GMDS: variants seen among roughly 807,000 people sequenced by gnomAD.
The protein encoded by GMDS is GDP-mannose 4,6 dehydratase.
In GMDS, 20 loss-of-function variants were observed where a neutral mutation model predicts 49.9. The ratio of observed to expected loss-of-function variants is 0.40; its 90% CI spans 0.28 to 0.58. GMDS has a LOEUF of 0.58. GMDS is among the 20% of genes least tolerant of loss of function. GMDS has a pLI of 0.42. For missense variants in GMDS, 362 were observed against 481.4 expected, an observed-to-expected ratio of 0.75 and a Z score of 2.32; for synonymous variants, 177 against 178.6, an observed-to-expected ratio of 0.99 and a Z score of 0.07.
rs372480836 is a variant in GMDS at position 1,624,463 on chromosome 6, G to T, written c.1056+9C>A. Reference sequence around the variant, plus strand: ...GCAGCGGGCGGCGTGCGCCCTAAGAGATACTCACATCGAAAGCGACCCGGG... The same window carrying T: ...GCAGCGGGCGGCGTGCGCCCTAAGATATACTCACATCGAAAGCGACCCGGG... On this transcript the variant is annotated intron_variant, in intron 10 of 10. Coordinates refer to ENST00000380815, the MANE Select transcript of GMDS (RefSeq NM_001500.4). 5.1e-5 allele frequency: 82 copies of T among 1,610,276 alleles called. No individual in the cohort carries two copies. Among genetic ancestry groups the T allele is most frequent in the Non-Finnish European group, 6.9e-5 (81 of 1,177,134 alleles).
intron 7 of GMDS, among the ~76,000 whole-genome samples, chr6:1,927,406 C>T (rs9503053): frequency 0.022 from 3,175 of 141,436 alleles, 89 homozygotes; most frequent in African/African-American, 0.043. Context: ...CAGAGGGTAG[C>T]GTGTTGCTGT....
intron 4 of GMDS, among the ~76,000 whole-genome samples, chr6:2,021,863 C>T (rs972862874): frequency 6.6e-6 from 1 of 152,196 alleles, no homozygotes; most frequent in Non-Finnish European, 1.5e-5. Flanking sequence ...CAGGCTTCCT[C>T]AGCTGGATAG....
intron 1 of GMDS, among the ~76,000 whole-genome samples, chr6:2,213,640 C>T (rs1780174867): frequency 1.3e-5 from 2 of 152,120 alleles, no homozygotes; most frequent in Non-Finnish European, 2.9e-5. Context: ...CAGTGCAGGG[C>T]AGCTAGGAAG....
At chr6:2,133,752 A>T (rs1465326922) in intron 1 of GMDS, among the ~76,000 whole-genome samples, 1 of 152,230 alleles carries the variant, frequency 6.6e-6, no homozygotes, top group African/African-American at 2.4e-5. Context: ...GCGTAAATGT[A>T]GAAATCTGTA....
chr6:1,637,943 C>G (rs932049893), intron 9 of GMDS, among the ~76,000 whole-genome samples: 2 of 152,200 alleles, frequency 1.3e-5, no homozygotes, highest in African/African-American at 4.8e-5. Context: ...ACTCCAAAGA[C>G]TAGGTTACTA....
chr6:2,077,482 T>C (rs1158900345), intron 4 of GMDS, among the ~76,000 whole-genome samples: 1 of 152,156 alleles, frequency 6.6e-6, no homozygotes, highest in African/African-American at 2.4e-5. Flanking sequence ...TGAGAGTTTT[T>C]TATCATGAAG....
intron 9 of GMDS, among the ~76,000 whole-genome samples, chr6:1,681,820 T>C (rs1486772222): frequency 6.6e-6 from 1 of 152,206 alleles, no homozygotes; most frequent in African/African-American, 2.4e-5. Flanking sequence ...TTCAGCCTCC[T>C]GAGTAGATGG....
At chr6:2,243,121 A>G (rs765672286) in intron 1 of GMDS, among the ~76,000 whole-genome samples, 4 of 152,258 alleles carry the variant, frequency 2.6e-5, no homozygotes, top group Non-Finnish European at 5.9e-5. Context: ...GAAGAAAGAA[A>G]CACTGGGGCA....
chr6:1,696,479 C>T (rs976038132), intron 9 of GMDS, among the ~76,000 whole-genome samples: 3 of 152,188 alleles, frequency 2.0e-5, no homozygotes, highest in South Asian at 4.1e-4. Flanking sequence ...AAATATTCCT[C>T]GAGTTGATGT....
intron 9 of GMDS, among the ~76,000 whole-genome samples, chr6:1,700,269 T>A (rs1472526747): frequency 6.6e-6 from 1 of 152,238 alleles, no homozygotes; most frequent in Non-Finnish European, 1.5e-5. Context: ...TCAATTACTC[T>A]GCGAAAGTTT....
chr6:2,078,059 C>CT (rs1772450907), intron 4 of GMDS, among the ~76,000 whole-genome samples: 1 of 151,928 alleles, frequency 6.6e-6, no homozygotes, highest in Non-Finnish European at 1.5e-5. Context: ...ATTTTCCAGT[C>CT]TGTTAGTGTG....
intron 1 of GMDS, among the ~76,000 whole-genome samples, chr6:2,212,707 T>TA (rs35503764): frequency 0.037 from 4,197 of 113,464 alleles, 155 homozygotes; most frequent in African/African-American, 0.09. Context: ...GATTAACTTG[T>TA]AAAAAAAAAA....
At chr6:1,777,511 G>A (rs1768885311) in intron 7 of GMDS, among the ~76,000 whole-genome samples, 1 of 152,190 alleles carries the variant, frequency 6.6e-6, no homozygotes, top group African/African-American at 2.4e-5. Context: ...ACACACACCA[G>A]CTCCATCTGG....
chr6:1,948,822 T>C (rs1159618243), intron 6 of GMDS, among the ~76,000 whole-genome samples: 1 of 152,252 alleles, frequency 6.6e-6, no homozygotes, highest in African/African-American at 2.4e-5. Flanking sequence ...TTTGAATGGC[T>C]TTTCCTGTGA....
chr6:2,085,163 C>CA (rs113412903), intron 4 of GMDS, among the ~76,000 whole-genome samples: 95 of 147,098 alleles, frequency 6.5e-4, no homozygotes, highest in East Asian at 2.2e-3. Flanking sequence ...ATGAAAGAAG[C>CA]AAAAAAAAAA....
At chr6:1,864,178 T>G (rs1158592584) in intron 7 of GMDS, among the ~76,000 whole-genome samples, 3 of 152,168 alleles carry the variant, frequency 2.0e-5, no homozygotes, top group African/African-American at 7.2e-5. Context: ...TTTATTAGCA[T>G]TACTACATAA....
At chr6:1,685,017 C>G (rs545215576) in intron 9 of GMDS, among the ~76,000 whole-genome samples, 36 of 112,536 alleles carry the variant, frequency 3.2e-4, no homozygotes, top group African/African-American at 1.1e-3. Flanking sequence ...CTCTCCCCCC[C>G]CTTTTTTTTT....
At chr6:2,021,460 TAA>T (rs1768273969) in intron 4 of GMDS, among the ~76,000 whole-genome samples, 1 of 151,880 alleles carries the variant, frequency 6.6e-6, no homozygotes. Context: ...TTCCTAATAA[TAA>T]AGAGACATAA....
chr6:2,068,964 G>T (rs746431896), intron 4 of GMDS, among the ~76,000 whole-genome samples: 6 of 152,198 alleles, frequency 3.9e-5, no homozygotes, highest in East Asian at 3.9e-4. Flanking sequence ...GCCAAGTCAA[G>T]CCTAAGTCAA....
Sources: gnomAD v4.1 joint callset for allele counts (sites outside exome capture counted in the v4.1 genomes callset) on GRCh38, gnomAD v4.1.1 for gene constraint, MANE v1.5 for transcripts, NCBI Gene and HGNC (gene_info 2026-07-23, HGNC 2026-07-21) for gene names.